RPS6KA5: variants seen among roughly 807,000 people sequenced by gnomAD.
RPS6KA5 encodes the protein ribosomal protein S6 kinase alpha-5.
RPS6KA5 carries 27 observed loss-of-function variants against 85.5 expected under a neutral mutation model. The observed-to-expected ratio is 0.32, with a 90% confidence interval of 0.23 to 0.44. The LOEUF (loss-of-function observed/expected upper bound fraction) is 0.44. Ranked by LOEUF, RPS6KA5 falls within the 20% of genes least tolerant of loss-of-function variation. RPS6KA5 has a pLI of 1.00. For synonymous variants in RPS6KA5, 334 were observed against 348.2 expected (o/e 0.96, Z 0.46); for missense variants, 811 against 980.9 (o/e 0.83, Z 2.31).
chr14:90,903,943 C>T (rs1015968152), intron 8 of RPS6KA5, among the ~76,000 whole-genome samples: 1 of 136,886 alleles, frequency 7.3e-6, no homozygotes, highest in Admixed American at 8.3e-5. Context: ...TAATCAACTA[C>T]CATAAATTTT....
chr14:91,017,898 A>T (rs1666583733), intron 1 of RPS6KA5, among the ~76,000 whole-genome samples: 1 of 152,220 alleles, frequency 6.6e-6, no homozygotes, highest in Non-Finnish European at 1.5e-5. Context: ...CACCAGGCAA[A>T]GGAGGGAGTT....
In RPS6KA5 at chr14:90,906,340, A is replaced by T. The variant is rs766126787; in HGVS notation, c.807-41T>A. The T allele has an allele frequency of 4.2e-6, 6 of 1,431,060 alleles. No homozygotes were observed. In the East Asian group the frequency reaches 1.4e-4, roughly 34 times the overall value. 88.6% of individuals were successfully genotyped at this position (1,431,060 alleles called of 1,614,324 possible). On this transcript the variant is annotated intron_variant, in intron 7 of 16. Transcript: ENST00000614987. Reference sequence around the variant, plus strand: ...ACTTGCTGTTAAAACAAACAGGATGACAAAAAAAAAAAAAAGCATGGTGAA... The same window carrying T: ...ACTTGCTGTTAAAACAAACAGGATGTCAAAAAAAAAAAAAAGCATGGTGAA...
intron 11 of RPS6KA5, among the ~76,000 whole-genome samples, chr14:90,899,774 G>A (rs1354156867): frequency 1.3e-5 from 2 of 152,112 alleles, no homozygotes; most frequent in Admixed American, 6.5e-5. Flanking sequence ...AATAATTTTA[G>A]AGAAAAATAT....
intron 7 of RPS6KA5, among the ~76,000 whole-genome samples, chr14:90,910,445 G>T (rs548582135): frequency 6.6e-6 from 1 of 152,168 alleles, no homozygotes; most frequent in East Asian, 1.9e-4. Flanking sequence ...CAAGGATGAT[G>T]AAATATTCAT....
At chr14:91,056,544 T>C (rs868216508) in intron 1 of RPS6KA5, among the ~76,000 whole-genome samples, 2 of 152,160 alleles carry the variant, frequency 1.3e-5, no homozygotes, top group African/African-American at 2.4e-5. Context: ...AGCCATCACA[T>C]AGTGACAAGC....
chr14:90,944,908 T>A (rs1008405078), intron 4 of RPS6KA5, among the ~76,000 whole-genome samples: 1 of 150,220 alleles, frequency 6.7e-6, no homozygotes, highest in African/African-American at 2.5e-5. Flanking sequence ...CGAGACCATA[T>A]GTCTATTTTT....
intron 4 of RPS6KA5, among the ~76,000 whole-genome samples, chr14:90,946,769 A>G (rs2037891384): frequency 6.6e-6 from 1 of 152,250 alleles, no homozygotes; most frequent in Non-Finnish European, 1.5e-5. Context: ...ATGTTTCCTC[A>G]TTAAGTAAAA....
At chr14:90,889,247 T>C (rs1410706046) in intron 14 of RPS6KA5, among the ~76,000 whole-genome samples, 1 of 144,006 alleles carries the variant, frequency 6.9e-6, no homozygotes, top group Non-Finnish European at 1.5e-5. Context: ...TGAGCCAAGA[T>C]TGTGCCACTG....
intron 6 of RPS6KA5, among the ~76,000 whole-genome samples, chr14:90,921,756 G>T (rs547303634): frequency 6.6e-6 from 1 of 152,100 alleles, no homozygotes; most frequent in African/African-American, 2.4e-5. Flanking sequence ...ATGATTAGTC[G>T]TCAGGAAGGA....
rs1016641790 is a variant in RPS6KA5, at chr14:90,848,316, C to T, written c.*23758G>A. ...CGAAATAACTTCATATCTATAGCAA[C>T]GAAGGGAACATGGAACATTAGCCCT... On this transcript the variant is annotated 3_prime_UTR_variant, in exon 17 of 17. Coordinates refer to ENST00000614987, the MANE Select transcript of RPS6KA5 (RefSeq NM_004755.4). 13 of 151,958 alleles carry T rather than the reference C, an allele frequency of 8.6e-5. No homozygotes were observed. Among genetic ancestry groups the T allele is most frequent in the South Asian group, 2.1e-4 (1 of 4,824 alleles). 9.4% of individuals were successfully genotyped at this position (151,958 alleles called of 1,614,324 possible).
intron 5 of RPS6KA5, among the ~76,000 whole-genome samples, chr14:90,929,135 A>T (rs1304157594): frequency 6.6e-6 from 1 of 152,120 alleles, no homozygotes; most frequent in Non-Finnish European, 1.5e-5. Context: ...CTAAAAATAT[A>T]ATTTATCTAC....
intron 7 of RPS6KA5, among the ~76,000 whole-genome samples, chr14:90,919,356 A>G (rs2036282737): frequency 6.6e-6 from 1 of 152,162 alleles, no homozygotes; most frequent in African/African-American, 2.4e-5. Context: ...CTGTTGTTTC[A>G]TATATTTTGC....
intron 1 of RPS6KA5, among the ~76,000 whole-genome samples, chr14:91,051,867 C>G (rs1159972681): frequency 6.6e-6 from 1 of 151,824 alleles, no homozygotes; most frequent in Non-Finnish European, 1.5e-5. Context: ...TGAGAAAGAA[C>G]ATCTATGAAA....
At chr14:90,907,319 C>T (rs183744132) in intron 7 of RPS6KA5, among the ~76,000 whole-genome samples, 6 of 152,342 alleles carry the variant, frequency 3.9e-5, no homozygotes, top group South Asian at 4.1e-4. Flanking sequence ...ATGAGCCCAA[C>T]GCTGGCTCTG....
intron 2 of RPS6KA5, among the ~76,000 whole-genome samples, chr14:90,988,255 A>C (rs923573731): frequency 6.6e-5 from 10 of 152,258 alleles, no homozygotes; most frequent in African/African-American, 2.4e-4. Flanking sequence ...CTCATTAAGA[A>C]ATGACATTCA....
At chr14:90,914,155 A>G (rs1305422706) in intron 7 of RPS6KA5, among the ~76,000 whole-genome samples, 1 of 152,068 alleles carries the variant, frequency 6.6e-6, no homozygotes, top group African/African-American at 2.4e-5. Context: ...GGTGGTGCAC[A>G]GAGGTGGCGG....
chr14:90,955,965 C>T (rs955203252), intron 3 of RPS6KA5, among the ~76,000 whole-genome samples: 11 of 152,058 alleles, frequency 7.2e-5, no homozygotes, highest in African/African-American at 2.4e-4. Flanking sequence ...ATTCAACCAA[C>T]CATGGGTCAA....
chr14:90,977,889 T>C (rs905562049), intron 3 of RPS6KA5, among the ~76,000 whole-genome samples: 2 of 152,138 alleles, frequency 1.3e-5, no homozygotes, highest in Non-Finnish European at 2.9e-5. Flanking sequence ...ACCCCATCTC[T>C]ACTTAAAATA....
intron 5 of RPS6KA5, among the ~76,000 whole-genome samples, chr14:90,941,385 C>G (rs2037563970): frequency 6.6e-6 from 1 of 152,144 alleles, no homozygotes; most frequent in Non-Finnish European, 1.5e-5. Flanking sequence ...GAAAACTCCT[C>G]CAGACTCCTG....
Sources: allele counts gnomAD v4.1 joint callset (sites outside exome capture counted in the v4.1 genomes callset), GRCh38; gene constraint gnomAD v4.1.1; transcripts MANE v1.5; gene names NCBI Gene and HGNC (gene_info 2026-07-23, HGNC 2026-07-21).